The following CCSER1 variants were observed in gnomAD, a reference collection of about 807,000 sequenced individuals.
CCSER1 encodes the protein coiled-coil serine rich protein 1, also known as serine-rich coiled-coil domain-containing protein 1.
A neutral mutation model predicts 82.0 loss-of-function variants in CCSER1; 41 were observed. The ratio of observed to expected loss-of-function variants is 0.50; its 90% confidence interval spans 0.39 to 0.65. CCSER1 has a LOEUF of 0.65. CCSER1 is among the 30% of genes least tolerant of loss of function. The pLI, the probability that CCSER1 is intolerant of heterozygous loss-of-function variation, is 0.00. For synonymous variants in CCSER1, 414 were observed against 383.9 expected (o/e 1.08, Z -0.92); for missense variants, 1,119 against 1,064.2 (o/e 1.05, Z -0.72).
At position 91,071,849 on chromosome 4, in the gene CCSER1, T is replaced by A. The variant is rs114798262; in HGVS notation, c.2173-14101T>A. On this transcript the variant is annotated intron_variant, in intron 9 of 10. Transcript: ENST00000509176. Reference sequence around the variant, plus strand: ...TAGACTGTTTACCACCATGATTGCATGCTAAATCAACATGCCTTTCACTGA... The same window carrying A: ...TAGACTGTTTACCACCATGATTGCAAGCTAAATCAACATGCCTTTCACTGA... Among the ~76,000 whole-genome samples, 889 of 152,298 alleles carry A rather than the reference T, an allele frequency of 5.8e-3. 11 individuals carry two copies. Among genetic ancestry groups the A allele is most frequent in the African/African-American group, 0.02 (836 of 41,564 alleles).
At chr4:91,470,716 A>T (rs1435856670) in intron 10 of CCSER1, among the ~76,000 whole-genome samples, 2 of 152,160 alleles carry the variant, frequency 1.3e-5, no homozygotes, top group East Asian at 3.9e-4. Flanking sequence ...ATAATTAATA[A>T]GCCATATCTG....
At chr4:90,528,254 G>C (rs1218358533) in intron 5 of CCSER1, among the ~76,000 whole-genome samples, 1 of 151,826 alleles carries the variant, frequency 6.6e-6, no homozygotes, top group Non-Finnish European at 1.5e-5. Flanking sequence ...TTTTCTTTTT[G>C]CCTCACTAAC....
intron 3 of CCSER1, among the ~76,000 whole-genome samples, chr4:90,368,373 T>TGCCTGTAATCCCAATAC (rs1281724742): frequency 6.6e-6 from 1 of 151,902 alleles, no homozygotes; most frequent in African/African-American, 2.4e-5. Context: ...TGGTGGCTCA[T>TGCCTGTAATCCCAATAC]GCCTGTAATC....
intron 10 of CCSER1, among the ~76,000 whole-genome samples, chr4:91,354,390 C>T (rs939301056): frequency 6.6e-6 from 1 of 152,176 alleles, no homozygotes; most frequent in East Asian, 1.9e-4. Context: ...TACCTGTCCA[C>T]TGATCAGGCA....
chr4:90,300,754 A>G (rs1403097843), intron 1 of CCSER1, among the ~76,000 whole-genome samples: 1 of 152,188 alleles, frequency 6.6e-6, no homozygotes, highest in Non-Finnish European at 1.5e-5. Flanking sequence ...AGCTTCCAAG[A>G]TGATACAGCT....
intron 10 of CCSER1, among the ~76,000 whole-genome samples, chr4:91,095,472 C>A (rs569576877): frequency 6.6e-6 from 1 of 152,108 alleles, no homozygotes; most frequent in African/African-American, 2.4e-5. Flanking sequence ...GCTTTCTCAG[C>A]GGCTTGTTAC....
chr4:90,501,206 T>G (rs1769817004), intron 5 of CCSER1, among the ~76,000 whole-genome samples: 1 of 152,184 alleles, frequency 6.6e-6, no homozygotes, highest in Non-Finnish European at 1.5e-5. Context: ...TAAATATATT[T>G]GATATTCACA....
intron 1 of CCSER1, among the ~76,000 whole-genome samples, chr4:90,176,593 G>C (rs1732717297): frequency 6.6e-6 from 1 of 151,970 alleles, no homozygotes; most frequent in Admixed American, 6.6e-5. Context: ...GTCTGATACT[G>C]ATACTTTTTT....
chr4:91,432,923 G>A (rs1049196922), intron 10 of CCSER1, among the ~76,000 whole-genome samples: 4 of 152,092 alleles, frequency 2.6e-5, no homozygotes, highest in Non-Finnish European at 4.4e-5. Context: ...AAAGAAATGT[G>A]TATTATGGAT....
chr4:90,855,180 G>C (rs1377691768), intron 8 of CCSER1, among the ~76,000 whole-genome samples: 1 of 152,112 alleles, frequency 6.6e-6, no homozygotes, highest in Non-Finnish European at 1.5e-5. Context: ...TGGGGACACA[G>C]AGACAAACCA....
chr4:91,518,403 G>A (rs1760267400), intron 10 of CCSER1, among the ~76,000 whole-genome samples: 1 of 152,164 alleles, frequency 6.6e-6, no homozygotes, highest in Non-Finnish European at 1.5e-5. Flanking sequence ...TAGGGCAACT[G>A]CAGCTTTCTG....
intron 10 of CCSER1, among the ~76,000 whole-genome samples, chr4:91,493,778 AAT>A (rs1758673572): frequency 6.6e-6 from 1 of 151,878 alleles, no homozygotes; most frequent in Non-Finnish European, 1.5e-5. Flanking sequence ...ATAAAATGAT[AAT>A]GTCATTAATT....
chr4:91,196,775 A>G (rs1201630226), intron 10 of CCSER1, among the ~76,000 whole-genome samples: 1 of 152,232 alleles, frequency 6.6e-6, no homozygotes, highest in Non-Finnish European at 1.5e-5. Context: ...CTAACCATAC[A>G]TAACTCTTTT....
At chr4:90,771,323 T>A (rs750426871) in intron 7 of CCSER1, among the ~76,000 whole-genome samples, 8 of 151,856 alleles carry the variant, frequency 5.3e-5, no homozygotes, top group Non-Finnish European at 1.0e-4. Context: ...ATTTATTGGA[T>A]TTATTCGATA....
At chr4:91,542,123 T>G (rs1440280674) in intron 10 of CCSER1, among the ~76,000 whole-genome samples, 1 of 152,242 alleles carries the variant, frequency 6.6e-6, no homozygotes, top group Non-Finnish European at 1.5e-5. Context: ...AGATTCTGGA[T>G]ATGAGCCCTT....
At chr4:90,690,655 A>G (rs1018386465) in intron 6 of CCSER1, among the ~76,000 whole-genome samples, 11 of 152,054 alleles carry the variant, frequency 7.2e-5, no homozygotes, top group Non-Finnish European at 1.6e-4. Context: ...CAATGAGACC[A>G]TATTCTTTCC....
chr4:90,671,469 C>G (rs1211450580), intron 6 of CCSER1, among the ~76,000 whole-genome samples: 1 of 152,072 alleles, frequency 6.6e-6, no homozygotes, highest in Non-Finnish European at 1.5e-5. Context: ...TTCTGCTCAT[C>G]TGTAAGAAGC....
At chr4:90,151,732 T>C (rs1726894073) in intron 1 of CCSER1, among the ~76,000 whole-genome samples, 1 of 152,112 alleles carries the variant, frequency 6.6e-6, no homozygotes, top group South Asian at 2.1e-4. Context: ...TTCTTTTCCA[T>C]TTGTTCAGTT....
intron 5 of CCSER1, among the ~76,000 whole-genome samples, chr4:90,609,022 C>A (rs769933826): frequency 2.2e-4 from 33 of 152,062 alleles, no homozygotes; most frequent in Non-Finnish European, 4.7e-4. Flanking sequence ...AAATGCAGTT[C>A]TTGCATCAAA....
Sources: allele counts gnomAD v4.1 joint callset (sites outside exome capture counted in the v4.1 genomes callset), GRCh38; gene constraint gnomAD v4.1.1; transcripts MANE v1.5; gene names NCBI Gene and HGNC (gene_info 2026-07-23, HGNC 2026-07-21).